Variants in TBC1D5 observed in about 807,000 individuals in gnomAD.
TBC1D5 encodes the protein TBC1 domain family member 5.
TBC1D5 carries 75 observed loss-of-function variants against 100.3 expected under a neutral mutation model. The observed-to-expected ratio is 0.75, with a 90% CI of 0.62 to 0.91. The LOEUF is 0.91. Ranked by LOEUF, TBC1D5 falls within the 40% of genes least tolerant of loss-of-function variation. The pLI, the probability that TBC1D5 is intolerant of heterozygous loss-of-function variation, is 0.00. For synonymous variants in TBC1D5, 323 were observed against 325.6 expected (o/e 0.99, Z 0.09); for missense variants, 910 against 942.4 (o/e 0.97, Z 0.45).
chr3:17,163,887 T>C (rs1240073017), intron 21 of TBC1D5, among the ~76,000 whole-genome samples: 2 of 152,132 alleles, frequency 1.3e-5, no homozygotes, highest in African/African-American at 2.4e-5. Flanking sequence ...GCTGTAATAG[T>C]AGACAATATG....
upstream of TBC1D5, among the ~76,000 whole-genome samples, chr3:17,741,391 A>G (rs1019210176): frequency 1.3e-5 from 2 of 152,236 alleles, no homozygotes; most frequent in Admixed American, 6.5e-5. Context: ...CAATATATAA[A>G]TGAATTTCTT....
intron 1 of TBC1D5, among the ~76,000 whole-genome samples, chr3:17,629,228 A>G (rs192403031): frequency 6.6e-6 from 1 of 152,338 alleles, no homozygotes; most frequent in African/African-American, 2.4e-5. Context: ...ATTCCAGACT[A>G]CAAATTTAAG....
chr3:17,461,432 G>C (rs996265414), intron 3 of TBC1D5, among the ~76,000 whole-genome samples: 2 of 152,144 alleles, frequency 1.3e-5, no homozygotes, highest in Non-Finnish European at 2.9e-5. Context: ...TGAATGTTCT[G>C]CAATGCTTTA....
At chr3:17,610,453 C>CT (rs1409212103) in intron 2 of TBC1D5, among the ~76,000 whole-genome samples, 1 of 152,154 alleles carries the variant, frequency 6.6e-6, no homozygotes, top group Non-Finnish European at 1.5e-5. Flanking sequence ...TCTCAAAGTG[C>CT]TGGGATTACG....
intron 13 of TBC1D5, among the ~76,000 whole-genome samples, chr3:17,361,607 C>A (rs2091718876): frequency 6.6e-6 from 1 of 151,800 alleles, no homozygotes; most frequent in African/African-American, 2.4e-5. Flanking sequence ...CAGAATAATT[C>A]CCCAATATTT....
exon 18 of TBC1D5, chr3:17,214,265 A>C (rs1457964118): frequency 1.2e-6 from 2 of 1,613,456 alleles, no homozygotes; most frequent in Non-Finnish European, 1.7e-6. Flanking sequence ...GTTGCTAAAA[A>C]AGGAATCTTT....
intron 8 of TBC1D5, among the ~76,000 whole-genome samples, chr3:17,399,765 C>G (rs939579652): frequency 6.6e-6 from 1 of 152,132 alleles, no homozygotes; most frequent in African/African-American, 2.4e-5. Flanking sequence ...TTCTCTAAAG[C>G]ACTTGCTCTA....
intron 9 of TBC1D5, among the ~76,000 whole-genome samples, chr3:17,380,149 C>T (rs1386421221): frequency 6.6e-6 from 1 of 150,736 alleles, no homozygotes; most frequent in African/African-American, 2.4e-5. Context: ...TACATATTGA[C>T]TGAATGAATG....
At chr3:17,337,954 A>G (rs1403133113) in intron 13 of TBC1D5, among the ~76,000 whole-genome samples, 1 of 152,174 alleles carries the variant, frequency 6.6e-6, no homozygotes, top group East Asian at 1.9e-4. Flanking sequence ...AAATAATTGA[A>G]TTTTCTTGCT....
intron 1 of TBC1D5, among the ~76,000 whole-genome samples, chr3:17,653,584 G>A (rs939753940): frequency 6.6e-6 from 1 of 152,056 alleles, no homozygotes; most frequent in Non-Finnish European, 1.5e-5. Flanking sequence ...GGTAGACTAA[G>A]GAGACATAAC....
At chr3:17,739,211 A>G (rs2077200139) in intron 1 of TBC1D5, 1 of 152,274 alleles carries the variant, frequency 6.6e-6, no homozygotes, top group Non-Finnish European at 1.5e-5. Context: ...TCTCAGGATC[A>G]GGTGGACTAG....
intron 5 of TBC1D5, 63 bp downstream of exon 5, chr3:17,406,355 G>T: frequency 7.0e-7 from 1 of 1,420,278 alleles, no homozygotes; most frequent in Non-Finnish European, 9.6e-7. Flanking sequence ...TAATCTTCCA[G>T]GGCATCAGGT....
intron 8 of TBC1D5, among the ~76,000 whole-genome samples, chr3:17,395,670 T>C (rs2093482997): frequency 6.6e-6 from 1 of 152,162 alleles, no homozygotes; most frequent in Non-Finnish European, 1.5e-5. Flanking sequence ...AAAACTCTAT[T>C]GGTCAGCATT....
chr3:17,435,933 C>A (rs1358020680), intron 3 of TBC1D5, among the ~76,000 whole-genome samples: 1 of 152,124 alleles, frequency 6.6e-6, no homozygotes, highest in Non-Finnish European at 1.5e-5. Flanking sequence ...GCAAGCGTGG[C>A]TAAATGTTAA....
intron 1 of TBC1D5, among the ~76,000 whole-genome samples, chr3:17,689,270 T>C (rs572624722): frequency 2.6e-5 from 4 of 151,996 alleles, no homozygotes; most frequent in African/African-American, 9.7e-5. Context: ...CCGGGCACAA[T>C]GGCTCACGAC....
intron 17 of TBC1D5, among the ~76,000 whole-genome samples, chr3:17,236,307 G>T (rs2075847462): frequency 6.6e-6 from 1 of 152,156 alleles, no homozygotes; most frequent in Middle Eastern, 3.4e-3. Context: ...AATCGTATTT[G>T]TTTAGAACAA....
At chr3:17,656,536 CCT>C (rs1308873855) in intron 1 of TBC1D5, among the ~76,000 whole-genome samples, 1 of 152,058 alleles carries the variant, frequency 6.6e-6, no homozygotes, top group African/African-American at 2.4e-5. Flanking sequence ...AAAACCAGGC[CCT>C]GTTCTCAGAT....
intron 2 of TBC1D5, among the ~76,000 whole-genome samples, chr3:17,571,050 T>G (rs924648278): frequency 1.3e-5 from 2 of 151,736 alleles, no homozygotes; most frequent in Non-Finnish European, 2.9e-5. Flanking sequence ...CTCAAAAGAG[T>G]TGAGAAATAC....
At chr3:17,304,339 G>T (rs966711683) in intron 14 of TBC1D5, among the ~76,000 whole-genome samples, 1 of 152,186 alleles carries the variant, frequency 6.6e-6, no homozygotes, top group East Asian at 1.9e-4. Context: ...GGGATTAGGG[G>T]TGGGGTGTGA....
Sources: gnomAD v4.1 joint callset for allele counts (sites outside exome capture counted in the v4.1 genomes callset) on GRCh38, gnomAD v4.1.1 for gene constraint, MANE v1.5 for transcripts, NCBI Gene and HGNC (gene_info 2026-07-23, HGNC 2026-07-21) for gene names.